The following SIK3 variants were observed in gnomAD, a reference collection of about 807,000 sequenced individuals.
The protein encoded by SIK3 is serine/threonine-protein kinase SIK3.
SIK3 carries 28 observed loss-of-function variants against 144.2 expected under a neutral mutation model. That is an observed-to-expected ratio of 0.19 (90% CI 0.14 to 0.27). The LOEUF is 0.27. Ranked by LOEUF, SIK3 falls within the 10% of genes least tolerant of loss-of-function variation. The probability of loss-of-function intolerance (pLI) is 1.00; values close to 1 mark genes in which losing one functional copy is unlikely to be tolerated. For missense variants in SIK3, 1,319 were observed against 1,776.0 expected, an observed-to-expected ratio of 0.74 and a Z score of 4.62; for synonymous variants, 686 against 676.3, an observed-to-expected ratio of 1.01 and a Z score of -0.22.
chr11:116,861,896 G>T lies in SIK3; in HGVS notation c.2260C>A (p.Pro754Thr), dbSNP rs542628416. 5.0e-6 allele frequency: 8 copies of T among 1,611,830 alleles called. No homozygotes were observed. The South Asian group carries it at 8.9e-5, about 18-fold the overall frequency. Residue 754 changes from proline (P) to threonine (T), a missense_variant, in exon 18 of 25, where the codon CCT (proline) becomes ACT (threonine). This residue lies in a region of SIK3 where 77 missense variants were observed against 141.9 expected (regional missense o/e 0.54). Coordinates refer to ENST00000445177, the MANE Select transcript of SIK3 (RefSeq NM_001366686.3). ...TGATTTTCACATGCAGCCTGAAGAG[G>T]TGGAGATGGCTGAGGAGGACAGATA... ...DSICPPQPSP[P>T]LQAACENQPA...
intron 1 of SIK3, among the ~76,000 whole-genome samples, chr11:117,017,615 A>C (rs1192318724): frequency 6.6e-6 from 1 of 152,202 alleles, no homozygotes; most frequent in East Asian, 1.9e-4. Flanking sequence ...GTCACACATG[A>C]AGTAAAAGTC....
At chr11:116,949,655 C>G (rs1000998687) in intron 3 of SIK3, among the ~76,000 whole-genome samples, 1 of 152,172 alleles carries the variant, frequency 6.6e-6, no homozygotes, top group Admixed American at 6.5e-5. Flanking sequence ...ATTCTAATCC[C>G]AGAGAAGCTC....
At chr11:117,011,853 T>G (rs964551217) in intron 1 of SIK3, among the ~76,000 whole-genome samples, 1 of 151,970 alleles carries the variant, frequency 6.6e-6, no homozygotes. Flanking sequence ...GTACCTGTAG[T>G]CCCAACGACT....
At chr11:117,080,769 G>A (rs1040471551) in intron 1 of SIK3, among the ~76,000 whole-genome samples, 3 of 152,000 alleles carry the variant, frequency 2.0e-5, no homozygotes, top group African/African-American at 7.2e-5. Context: ...CCAACATGGT[G>A]AAACCCCGTC....
Position 116,938,622 on chromosome 11 carries a change from GGAGGAGAGGA to G in SIK3, c.455-11252_455-11243del, listed in dbSNP as rs1180127256. ...GGAGGAGAGGAGAGGAGAGGGGAGG[GGAGGAGAGGA>G]GAGGAGAGGAGAGGAGAGGAGAGGA... On this transcript the variant is annotated intron_variant, in intron 3 of 24. Coordinates refer to ENST00000445177, the MANE Select transcript of SIK3 (RefSeq NM_001366686.3). Among the ~76,000 whole-genome samples, 44 of 34,438 alleles carry G rather than the reference GGAGGAGAGGA, an allele frequency of 1.3e-3. 1 individual carries two copies. The highest frequency in any genetic ancestry group is 2.8e-3 in the East Asian group (3 of 1,070). The allele number at this position is 34,438 out of a possible 152,430, so 22.6% of individuals were successfully genotyped here. A position where few individuals can be genotyped will look rare whatever the true frequency, so the allele number is the denominator to read the frequency against.
chr11:116,909,379 A>G (rs75920871), intron 4 of SIK3, among the ~76,000 whole-genome samples: 2 of 151,670 alleles, frequency 1.3e-5, no homozygotes, highest in African/African-American at 4.8e-5. Context: ...TACAAAAAAA[A>G]TTTTTTTTCT....
chr11:117,074,944 C>A (rs75257728), intron 1 of SIK3, among the ~76,000 whole-genome samples: 57 of 146,054 alleles, frequency 3.9e-4, no homozygotes, highest in Non-Finnish European at 5.6e-4. Flanking sequence ...AAAAAAAAAA[C>A]AACTCAAATG....
chr11:116,920,537 A>T (rs940977743), intron 4 of SIK3, among the ~76,000 whole-genome samples: 1 of 152,118 alleles, frequency 6.6e-6, no homozygotes, highest in Middle Eastern at 3.2e-3. Context: ...ATTTATCCCC[A>T]TTAGAATATA....
At chr11:116,968,831 A>T (rs1226206951) in intron 1 of SIK3, among the ~76,000 whole-genome samples, 1 of 152,222 alleles carries the variant, frequency 6.6e-6, no homozygotes. Context: ...GTGGGTTTTT[A>T]AAAATCATTA....
chr11:116,859,169 C>T, intron 20 of SIK3, 96 bp downstream of exon 20: 1 of 1,140,696 alleles, frequency 8.8e-7, no homozygotes, highest in South Asian at 1.6e-5. Flanking sequence ...CTAGTCAGAC[C>T]CATTCTCCTT....
At chr11:116,967,348 C>T (rs1949596687) in intron 1 of SIK3, among the ~76,000 whole-genome samples, 3 of 152,274 alleles carry the variant, frequency 2.0e-5, no homozygotes, top group African/African-American at 7.2e-5. Context: ...ACTCAACTGC[C>T]GTAACATAAT....
intron 1 of SIK3, among the ~76,000 whole-genome samples, chr11:116,992,480 G>C (rs1950532964): frequency 6.6e-6 from 1 of 151,824 alleles, no homozygotes; most frequent in African/African-American, 2.4e-5. Context: ...ATTACATTGA[G>C]GCCAAAGTAA....
chr11:117,073,534 T>C (rs1482823011), intron 1 of SIK3, among the ~76,000 whole-genome samples: 2 of 152,168 alleles, frequency 1.3e-5, no homozygotes, highest in Non-Finnish European at 2.9e-5. Context: ...TTTTTCTCAA[T>C]AGAAATTAGG....
Position 116,896,357 on chromosome 11 carries a change from T to C in SIK3, c.761A>G (p.Tyr254Cys). The change falls in exon 6 of 25, where the codon TAC becomes TGC. Residue 254 changes from tyrosine to cysteine, a missense_variant. This residue lies in a region of SIK3 where 125 missense variants were observed against 285.2 expected (regional missense o/e 0.44). Coordinates refer to ENST00000445177, the MANE Select transcript of SIK3 (RefSeq NM_001366686.3). ...VDIWSLGVVL[Y>C]VLVCGALPFD... ...TGGCAGGGCACCGCACACAAGCACG[T>C]AGAGGACAACTCCAAGGCTCTGCAT... The C allele has an allele frequency of 6.2e-7, 1 of 1,613,974 alleles. No individual in the cohort carries two copies. The highest frequency in any genetic ancestry group is 8.5e-7 in the Non-Finnish European group (1 of 1,179,886).
At chr11:116,884,995 T>G (rs751046290) in intron 6 of SIK3, among the ~76,000 whole-genome samples, 23 of 152,332 alleles carry the variant, frequency 1.5e-4, no homozygotes, top group Admixed American at 4.6e-4. Flanking sequence ...CACACTTCAG[T>G]AAAATTTCAA....
At chr11:117,083,692 A>C (rs956003523) in intron 1 of SIK3, among the ~76,000 whole-genome samples, 1 of 152,224 alleles carries the variant, frequency 6.6e-6, no homozygotes, top group African/African-American at 2.4e-5. Flanking sequence ...AGAGAGAAGA[A>C]ATCCTGCAGG....
intron 4 of SIK3, among the ~76,000 whole-genome samples, chr11:116,926,264 T>A (rs1302024008): frequency 6.6e-6 from 1 of 152,212 alleles, no homozygotes; most frequent in Non-Finnish European, 1.5e-5. Flanking sequence ...CAAACATAAA[T>A]GGCTTATTTT....
Position 116,867,377 on chromosome 11 carries a change from A to G in SIK3, c.1952+569T>C, listed in dbSNP as rs1943704469. ...GGTTAAACTTGCTTTTATTTCTTCA[A>G]GAGAATGGATTATAACCATAACCGA... On this transcript the variant is annotated intron_variant, in intron 15 of 24. Transcript: ENST00000445177. The surrounding 1 kb of genome is among the most constrained non-coding windows in gnomAD (Gnocchi z 4.1). Among the ~76,000 whole-genome samples, 1 of 152,222 alleles carries G rather than the reference A, an allele frequency of 6.6e-6. No individual in the cohort carries two copies. Among genetic ancestry groups the G allele is most frequent in the South Asian group, 2.1e-4 (1 of 4,830 alleles).
Position 116,999,133 on chromosome 11 carries a change from C to T in SIK3, c.274-42069G>A, listed in dbSNP as rs190353166. Among the ~76,000 whole-genome samples the T allele has an allele frequency of 2.0e-3, 312 of 152,288 alleles. 3 individuals are homozygous for T. Among genetic ancestry groups the T allele is most frequent in the African/African-American group, 7.0e-3 (291 of 41,552 alleles). ...ATATAGTTTCACAAACACAAGGGAA[C>T]CAAACTTGCCTAGAGTTTGACCATA... On this transcript the variant is annotated intron_variant, in intron 1 of 24. Transcript: ENST00000445177.
Sources: gnomAD v4.1 joint callset for allele counts (sites outside exome capture counted in the v4.1 genomes callset) on GRCh38, gnomAD v4.1.1 for gene constraint, gnomAD v4.1.1 regional missense constraint, Gnocchi (gnomAD v3.1) non-coding constraint, MANE v1.5 for transcripts, NCBI Gene and HGNC (gene_info 2026-07-23, HGNC 2026-07-21) for gene names.